The following ABCB1 variants were observed in gnomAD, a reference collection of about 807,000 sequenced individuals.
The protein encoded by ABCB1 is ATP binding cassette subfamily B member 1.
A neutral mutation model predicts 142.0 loss-of-function variants in ABCB1; 69 were observed. That is an observed-to-expected ratio of 0.49 (90% CI 0.40 to 0.59). The LOEUF is 0.59. Among genes scored for constraint, ABCB1 ranks in the 20% least tolerant of loss-of-function variants. ABCB1 has a pLI of 0.00. For synonymous variants in ABCB1, 532 were observed against 539.2 expected, an observed-to-expected ratio of 0.99 and a Z score of 0.18; for missense variants, 1,326 against 1,554.7, an observed-to-expected ratio of 0.85 and a Z score of 2.47.
intron 8 of ABCB1, among the ~76,000 whole-genome samples, chr7:87,557,665 T>C (rs1007501426): frequency 2.0e-5 from 3 of 152,228 alleles, no homozygotes; most frequent in African/African-American, 7.2e-5. Context: ...AAAAATATTT[T>C]CATATCTAAC....
chr7:87,536,511 T>G lies in ABCB1; in HGVS notation c.2428A>C (p.Thr810Pro). 6.2e-7 allele frequency: 1 copy of G among 1,613,936 alleles called. No individual in the cohort carries two copies. The highest frequency in any genetic ancestry group is 8.5e-7 in the Non-Finnish European group (1 of 1,179,886). The change falls in exon 20 of 28, where the codon ACC becomes CCC. Residue 810 changes from threonine (T) to proline (P), a missense_variant. Coordinates refer to ENST00000622132, the MANE Select transcript of ABCB1 (RefSeq NM_001348946.2). ...DVSWFDDPKN[T>P]TGALTTRLAN... is the part of the protein sequence containing the mutation. ...AGCCTGGTAGTCAATGCTCCAGTGG[T>G]GTTTTTAGGGTCATCAAACCAACTC...
chr7:87,614,805 TTTTG>T (rs771533481), intron 1 of ABCB1, among the ~76,000 whole-genome samples: 4 of 152,238 alleles, frequency 2.6e-5, no homozygotes, highest in South Asian at 2.1e-4. Flanking sequence ...CTTTTATTCT[TTTTG>T]TTTGTTTGTT....
chr7:87,705,643 T>C (rs779098454), intron 1 of ABCB1, among the ~76,000 whole-genome samples: 3 of 152,228 alleles, frequency 2.0e-5, no homozygotes, highest in Non-Finnish European at 2.9e-5. Flanking sequence ...ATGAGACTTT[T>C]ATTACATAAA....
At chr7:87,629,238 AGAG>A (rs1820956368) in intron 1 of ABCB1, 1 of 319,514 alleles carries the variant, frequency 3.1e-6, no homozygotes, top group African/African-American at 2.1e-5. Flanking sequence ...TCAGAGTGAA[AGAG>A]GAGGGCAAGG....
intron 3 of ABCB1, among the ~76,000 whole-genome samples, chr7:87,594,753 C>T (rs1481294746): frequency 2.6e-4 from 40 of 152,078 alleles, no homozygotes; most frequent in Non-Finnish European, 4.4e-5. Flanking sequence ...CACAGAGAAA[C>T]GAAGATCACA....
At chr7:87,672,997 C>T (rs1825984636) in intron 1 of ABCB1, among the ~76,000 whole-genome samples, 1 of 152,206 alleles carries the variant, frequency 6.6e-6, no homozygotes, top group Non-Finnish European at 1.5e-5. Flanking sequence ...GCCATCCTGA[C>T]TACTCCCCTG....
intron 15 of ABCB1, among the ~76,000 whole-genome samples, chr7:87,545,506 G>A (rs925503828): frequency 6.6e-6 from 1 of 152,114 alleles, no homozygotes; most frequent in African/African-American, 2.4e-5. Flanking sequence ...TATAAAAATT[G>A]AGATATTTTG....
intron 20 of ABCB1, among the ~76,000 whole-genome samples, chr7:87,535,978 G>A (rs1175754284): frequency 2.0e-5 from 3 of 151,012 alleles, no homozygotes; most frequent in Admixed American, 2.0e-4. Flanking sequence ...AATTATTAAA[G>A]TTTAAAGTTA....
chr7:87,592,145 C>T (rs1355902047), intron 3 of ABCB1, among the ~76,000 whole-genome samples: 54 of 152,126 alleles, frequency 3.5e-4, no homozygotes, highest in Admixed American at 3.4e-3. Context: ...AGGGAGCTGG[C>T]AGGGGTGGCT....
At chr7:87,628,669 T>A (rs1264947354) in intron 1 of ABCB1, 2 of 419,406 alleles carry the variant, frequency 4.8e-6, no homozygotes, top group African/African-American at 4.1e-5. Context: ...CGGGTGCGAG[T>A]CCCTGCTGTC....
intron 25 of ABCB1, among the ~76,000 whole-genome samples, chr7:87,510,451 C>T (rs1416080814): frequency 1.3e-5 from 2 of 152,234 alleles, no homozygotes; most frequent in African/African-American, 4.8e-5. Context: ...GGGCACCTTA[C>T]AGCCTTGCTG....
At chr7:87,550,357 G>C in intron 11 of ABCB1, 61 bp from the exon 12 acceptor site, 1 of 1,612,140 alleles carries the variant, frequency 6.2e-7, no homozygotes, top group African/African-American at 1.3e-5. Flanking sequence ...TATAGGAACT[G>C]ACTGTTCACT....
At chr7:87,626,243 T>A (rs1820497197) in intron 1 of ABCB1, among the ~76,000 whole-genome samples, 1 of 57,014 alleles carries the variant, frequency 1.8e-5, no homozygotes, top group Non-Finnish European at 3.9e-5. Context: ...ATGTGTCATA[T>A]ATATGTCATA....
intron 1 of ABCB1, among the ~76,000 whole-genome samples, chr7:87,706,014 C>A (rs1197082604): frequency 6.6e-6 from 1 of 152,132 alleles, no homozygotes; most frequent in African/African-American, 2.4e-5. Flanking sequence ...ATTGTCCCCC[C>A]ATTTTCTTTG....
At position 87,515,363 on chromosome 7, in the gene ABCB1, G is replaced by A; in HGVS notation, c.3150C>T (p.Ile1050=). 1 of 1,614,174 alleles carries A rather than the reference G, an allele frequency of 6.2e-7. No individual in the cohort carries two copies. The highest frequency in any genetic ancestry group is 8.5e-7 in the Non-Finnish European group (1 of 1,180,024). The change falls in exon 25 of 28, where the codon ATC becomes ATT. Residue 1050 remains isoleucine, a synonymous_variant. Transcript: ENST00000622132. ...VVFNYPTRPD[I]PVLQGLSLEV... is the part of the protein sequence containing the mutation. ...CCAGGCTCAGTCCCTGAAGCACTGG[G>A]ATGTCCGGTCGGGTGGGATAGTTGA...
chr7:87,577,359 T>C (rs942734573), intron 4 of ABCB1, among the ~76,000 whole-genome samples: 1 of 152,190 alleles, frequency 6.6e-6, no homozygotes, highest in East Asian at 1.9e-4. Flanking sequence ...CTATTGTGAA[T>C]AGTGATGCAA....
At chr7:87,639,865 A>G (rs1175343301) in intron 1 of ABCB1, among the ~76,000 whole-genome samples, 2 of 151,902 alleles carry the variant, frequency 1.3e-5, no homozygotes, top group African/African-American at 4.8e-5. Flanking sequence ...TTAATTATTT[A>G]GCCCATTTTA....
chr7:87,710,606 C>T (rs1318623948), intron 1 of ABCB1: 14 of 1,603,570 alleles, frequency 8.7e-6, no homozygotes, highest in Non-Finnish European at 1.2e-5. Context: ...CATGGAAAAA[C>T]ATTTATCTGA....
chr7:87,573,012 T>C (rs1178742314), intron 4 of ABCB1, among the ~76,000 whole-genome samples: 2 of 152,178 alleles, frequency 1.3e-5, no homozygotes, highest in Non-Finnish European at 2.9e-5. Context: ...CATTTACCTA[T>C]GTAACTATAT....
Sources: allele counts gnomAD v4.1 joint callset (sites outside exome capture counted in the v4.1 genomes callset), GRCh38; gene constraint gnomAD v4.1.1; transcripts MANE v1.5; gene names NCBI Gene and HGNC (gene_info 2026-07-23, HGNC 2026-07-21).